The following COG4 variants were observed in gnomAD, a reference collection of about 807,000 sequenced individuals.
The protein encoded by COG4 is conserved oligomeric Golgi complex subunit 4.
Under a neutral mutation model 95.1 loss-of-function variants are expected in COG4, and 65 were observed. That is an observed-to-expected ratio of 0.68 (90% confidence interval 0.56 to 0.84). The LOEUF (loss-of-function observed/expected upper bound fraction) is 0.84. Among genes scored for constraint, COG4 ranks in the 40% least tolerant of loss-of-function variants. The probability of loss-of-function intolerance (pLI) is 0.00; values close to 1 mark genes in which losing one functional copy is unlikely to be tolerated. For missense variants in COG4, 1,045 were observed against 989.1 expected (o/e 1.06, Z -0.76); for synonymous variants, 421 against 374.8 (o/e 1.12, Z -1.42).
At chr16:70,512,901 C>T (rs1452464477) in intron 4 of COG4, among the ~76,000 whole-genome samples, 1 of 152,180 alleles carries the variant, frequency 6.6e-6, no homozygotes, top group African/African-American at 2.4e-5. Flanking sequence ...TCCCTTGAAC[C>T]TGGGAGGCAG....
At chr16:70,494,702 C>T (rs189193048) in intron 12 of COG4, among the ~76,000 whole-genome samples, 2 of 152,072 alleles carry the variant, frequency 1.3e-5, no homozygotes, top group East Asian at 3.9e-4. Context: ...CAGCAAGCAG[C>T]CAATGATTAT....
chr16:70,502,720 G>A (rs185246942), intron 8 of COG4, among the ~76,000 whole-genome samples: 2 of 152,278 alleles, frequency 1.3e-5, no homozygotes, highest in African/African-American at 4.8e-5. Flanking sequence ...CATTTATCCT[G>A]ATGAATAGCC....
chr16:70,497,537 G>A, intron 10 of COG4, 150 bp from the exon 11 acceptor site: 1 of 787,758 alleles, frequency 1.3e-6, no homozygotes. Context: ...TGTCAAAATA[G>A]CTTACTTCCC....
At chr16:70,488,551 G>A (rs2049182388) in intron 13 of COG4, among the ~76,000 whole-genome samples, 1 of 151,552 alleles carries the variant, frequency 6.6e-6, no homozygotes, top group Non-Finnish European at 1.5e-5. Context: ...GAGCCACCCA[G>A]CTATTGTTAT....
intron 8 of COG4, chr16:70,501,390 G>A (rs1168966086): frequency 3.4e-5 from 12 of 354,758 alleles, no homozygotes; most frequent in Non-Finnish European, 6.5e-5. Flanking sequence ...GTCTTGCTCT[G>A]TTGCCCAGGC....
intron 18 of COG4, 25 bp from the exon 19 acceptor site, chr16:70,481,169 G>A (rs778047992): frequency 6.2e-7 from 1 of 1,613,230 alleles, no homozygotes; most frequent in South Asian, 1.1e-5. Context: ...ATAGAGACCA[G>A]TCAGCAAGGT....
chr16:70,492,994 T>G (rs763862935), intron 12 of COG4, among the ~76,000 whole-genome samples: 17 of 152,038 alleles, frequency 1.1e-4, no homozygotes, highest in Non-Finnish European at 1.9e-4. Flanking sequence ...GGCAAAATTA[T>G]TAAGGCACTA....
At chr16:70,482,294 G>GTGTC in intron 15 of COG4, 119 bp from the exon 16 acceptor site, 2 of 760,794 alleles carry the variant, frequency 2.6e-6, no homozygotes. Context: ...TGTGCCTTCT[G>GTGTC]ACTCATCTAG....
At chr16:70,494,675 A>C (rs368849673) in intron 12 of COG4, among the ~76,000 whole-genome samples, 61 of 152,304 alleles carry the variant, frequency 4.0e-4, no homozygotes, top group African/African-American at 1.5e-3. Context: ...AAAGACATCT[A>C]GCTTTGATGT....
rs1317212860 is a variant in COG4, at chr16:70,484,145, G to A, written c.1711-176C>T. On this transcript the variant is annotated intron_variant, in intron 13 of 18. Transcript: ENST00000323786. ...CCACTTGGCTCCCACTTCCCCCTCT[G>A]TAATATGGGGGTACCAATGTCGGGG... 3.3e-5 allele frequency among the ~76,000 whole-genome samples: 5 copies of A among 152,232 alleles called. No homozygotes were observed. In the East Asian group the frequency reaches 9.6e-4, roughly 29 times the overall value.
In COG4 at chr16:70,523,493, C is replaced by A. The variant is rs1272118531; in HGVS notation, c.51G>T (p.Val17=). 2 of 1,614,108 alleles carry A rather than the reference C, an allele frequency of 1.2e-6. No individual in the cohort carries two copies. The highest frequency in any genetic ancestry group is 1.7e-6 in the Non-Finnish European group (2 of 1,180,036). Residue 17 remains valine, a synonymous_variant, in exon 1 of 19, where the codon GTG becomes GTT. Coordinates refer to ENST00000323786, the MANE Select transcript of COG4 (RefSeq NM_015386.3). ...CTCCCACCCCCTCAGACGGCTGCTG[C>A]ACCCCTGACAGCTTCGGAGGCGAAT... ...DLDSPPKLSG[V]QQPSEGVGGG...
intron 12 of COG4, among the ~76,000 whole-genome samples, chr16:70,491,824 CAAAAA>C (rs772831502): frequency 7.8e-4 from 46 of 59,348 alleles, no homozygotes; most frequent in South Asian, 2.3e-3. Flanking sequence ...AACTACGTCT[CAAAAA>C]AAAAAAAAAA....
chr16:70,506,592 T>TA (rs2049572835), intron 8 of COG4, among the ~76,000 whole-genome samples: 1 of 11,170 alleles, frequency 9.0e-5, no homozygotes, highest in Non-Finnish European at 1.8e-4. Flanking sequence ...CGAGACTGCC[T>TA]CAAAAAAAAA....
intron 13 of COG4, among the ~76,000 whole-genome samples, chr16:70,488,507 A>G (rs1182767590): frequency 6.6e-6 from 1 of 151,664 alleles, no homozygotes; most frequent in Non-Finnish European, 1.5e-5. Context: ...AATCCTCCTG[A>G]CTCAGGGTCC....
At chr16:70,486,715 G>A (rs1420597342) in intron 13 of COG4, among the ~76,000 whole-genome samples, 5 of 152,194 alleles carry the variant, frequency 3.3e-5, no homozygotes, top group African/African-American at 7.2e-5. Context: ...CAATGATGTC[G>A]GCCGGGCGCC....
rs148411553 is a variant in COG4, at chr16:70,480,741, C to T, written c.*269G>A. 2.0e-6 allele frequency: 1 copy of T among 508,144 alleles called. No homozygotes were observed. Among genetic ancestry groups the T allele is most frequent in the African/African-American group, 1.9e-5 (1 of 51,820 alleles). 31.5% of individuals were successfully genotyped at this position (508,144 alleles called of 1,614,324 possible). On this transcript the variant is annotated 3_prime_UTR_variant, in exon 19 of 19. Coordinates refer to ENST00000323786, the MANE Select transcript of COG4 (RefSeq NM_015386.3). ...CTGACCATCCATGCAGAAAGCTGGC[C>T]TGGGCTGCTCGCTGCCTGCCGTGGC...
chr16:70,519,945 A>AT (rs1478726993), intron 1 of COG4, among the ~76,000 whole-genome samples: 10 of 152,218 alleles, frequency 6.6e-5, no homozygotes, highest in Non-Finnish European at 1.0e-4. Flanking sequence ...GATGAGCACC[A>AT]TAATAGGAAG....
At chr16:70,502,597 G>A (rs750676732) in intron 8 of COG4, among the ~76,000 whole-genome samples, 4 of 139,764 alleles carry the variant, frequency 2.9e-5, no homozygotes, top group South Asian at 4.2e-4. Flanking sequence ...GTGAAACTCC[G>A]TCTTAAAAAA....
intron 8 of COG4, among the ~76,000 whole-genome samples, chr16:70,507,622 A>T (rs2049605682): frequency 6.6e-6 from 1 of 151,980 alleles, no homozygotes; most frequent in East Asian, 1.9e-4. Context: ...GCATTTTGGG[A>T]GGCTGAGGTG....
Sources: gnomAD v4.1 joint callset for allele counts (sites outside exome capture counted in the v4.1 genomes callset) on GRCh38, gnomAD v4.1.1 for gene constraint, MANE v1.5 for transcripts, NCBI Gene and HGNC (gene_info 2026-07-23, HGNC 2026-07-21) for gene names.